Variants in WDSUB1 observed in about 807,000 individuals in gnomAD.
WDSUB1 encodes the protein WD repeat, sterile alpha motif and U-box domain containing 1.
In WDSUB1, 49 loss-of-function variants were observed where a neutral mutation model predicts 53.9. That is an observed-to-expected ratio of 0.91 (90% CI 0.72 to 1.15). The LOEUF is 1.15. Among genes scored for constraint, WDSUB1 ranks in the 50% most tolerant of loss-of-function variants. The pLI is 0.00. For missense variants in WDSUB1, 514 were observed against 562.0 expected (o/e 0.91, Z 0.86); for synonymous variants, 194 against 200.6 (o/e 0.97, Z 0.28).
At chr2:159,261,847 CATATATATATATATATATATAT>C (rs1168507779) in intron 5 of WDSUB1, among the ~76,000 whole-genome samples, 675 of 54,166 alleles carry the variant, frequency 0.012, 20 homozygotes, top group Admixed American at 0.035. Flanking sequence ...AACTGAAACT[CATATATATATATATATATATAT>C]ATATATATAT....
intron 8 of WDSUB1, among the ~76,000 whole-genome samples, chr2:159,257,008 A>G (rs2061079016): frequency 6.6e-6 from 1 of 152,074 alleles, no homozygotes; most frequent in Non-Finnish European, 1.5e-5. Flanking sequence ...AATTATTATT[A>G]TTATTTTAGA....
rs1327525287 is a variant in WDSUB1, at chr2:159,283,110, G to A, written c.-24-17C>T. ...AAAAACAGCCTGAAATTTTTAAGCA[G>A]ATAAAGATTATTTATTCTAGGAATC... On this transcript the variant is annotated splice_polypyrimidine_tract_variant and intron_variant, in intron 1 of 10. Transcript: ENST00000359774. The A allele has an allele frequency of 1.9e-6, 3 of 1,558,818 alleles. No individual in the cohort carries two copies. The East Asian group carries it at 6.8e-5, about 35-fold the overall frequency.
chr2:159,282,189 T>C (rs1014015755), intron 2 of WDSUB1, among the ~76,000 whole-genome samples: 1 of 131,360 alleles, frequency 7.6e-6, no homozygotes, highest in Admixed American at 7.4e-5. Flanking sequence ...GAAGGCCAGT[T>C]AAAAAAAATT....
chr2:159,285,993 GT>G (rs1291121119), intron 1 of WDSUB1, among the ~76,000 whole-genome samples: 3 of 152,078 alleles, frequency 2.0e-5, no homozygotes, highest in Non-Finnish European at 4.4e-5. Flanking sequence ...CCCTTTGCAA[GT>G]TCCAGGGCAT....
At chr2:159,236,391 A>G (rs929733806) in intron 10 of WDSUB1, among the ~76,000 whole-genome samples, 8 of 152,214 alleles carry the variant, frequency 5.3e-5, no homozygotes, top group African/African-American at 1.7e-4. Context: ...GTATGAAGCA[A>G]AAATTGCCCA....
At chr2:159,278,074 T>C (rs944992608) in intron 3 of WDSUB1, among the ~76,000 whole-genome samples, 2 of 152,182 alleles carry the variant, frequency 1.3e-5, no homozygotes, top group African/African-American at 4.8e-5. Context: ...AGTATTTTCA[T>C]TGGAAATCTA....
At chr2:159,262,255 G>A (rs2061242882) in intron 5 of WDSUB1, among the ~76,000 whole-genome samples, 1 of 151,960 alleles carries the variant, frequency 6.6e-6, no homozygotes, top group Non-Finnish European at 1.5e-5. Context: ...TGATCTCTAT[G>A]AGCATTGGAT....
Position 159,236,047 on chromosome 2 carries a change from TCTCCA to T in WDSUB1, c.1412_1416del (p.Leu471HisfsTer17). The T allele has an allele frequency of 6.2e-7, 1 of 1,603,712 alleles. No homozygotes were observed. On this transcript the variant is annotated frameshift_variant, in exon 11 of 11. Transcript: ENST00000359774. LOFTEE classifies it high-confidence loss of function. ...TATCAACAATTTTACTTTTGGTGTGTCTCCAGCCATCTATTGATGGCCATTTTCAG... is the reference window on the plus strand; with the variant it reads ...TATCAACAATTTTACTTTTGGTGTGTGCCATCTATTGATGGCCATTTTCAG...
At chr2:159,283,408 C>A (rs2061720172) in intron 1 of WDSUB1, among the ~76,000 whole-genome samples, 1 of 152,056 alleles carries the variant, frequency 6.6e-6, no homozygotes, top group South Asian at 2.1e-4. Context: ...ATGCCTGGAG[C>A]CCCAGCTACA....
At chr2:159,242,200 G>A (rs111669916) in intron 10 of WDSUB1, among the ~76,000 whole-genome samples, 2,133 of 146,432 alleles carry the variant, frequency 0.015, 348 homozygotes, top group African/African-American at 0.054. Context: ...ACAGGCACAC[G>A]CCACCACACC....
intron 3 of WDSUB1, among the ~76,000 whole-genome samples, chr2:159,276,606 C>G (rs1255201870): frequency 1.3e-5 from 2 of 152,158 alleles, no homozygotes; most frequent in Admixed American, 1.3e-4. Flanking sequence ...TACTAAAGTT[C>G]CTAAACAATT....
chr2:159,261,867 TATATATATATATATATATATATATATA>T (rs1214501529), intron 5 of WDSUB1, among the ~76,000 whole-genome samples: 105 of 9,754 alleles, frequency 0.011, 3 homozygotes, highest in Admixed American at 0.018. Context: ...TATATATATA[TATATATATATATATATATATATATATA>T]TATTTTTTTT....
chr2:159,239,010 GT>G (rs1207917246), intron 10 of WDSUB1, among the ~76,000 whole-genome samples: 1 of 151,906 alleles, frequency 6.6e-6, no homozygotes, highest in African/African-American at 2.4e-5. Context: ...GGTGTGTGTG[GT>G]TTTTTTCTAA....
At chr2:159,278,574 G>C (rs1229519848) in intron 3 of WDSUB1, among the ~76,000 whole-genome samples, 1 of 152,154 alleles carries the variant, frequency 6.6e-6, no homozygotes, top group African/African-American at 2.4e-5. Flanking sequence ...TTTAATGCAG[G>C]GGTTAAGATC....
At chr2:159,261,586 T>G (rs73004958) in intron 5 of WDSUB1, among the ~76,000 whole-genome samples, 10,304 of 152,092 alleles carry the variant, frequency 0.068, 732 homozygotes, top group African/African-American at 0.17. Flanking sequence ...TAGGCCAAAT[T>G]CTGCTATTTT....
chr2:159,280,479 CA>C (rs1280404171), intron 2 of WDSUB1, among the ~76,000 whole-genome samples: 2 of 151,456 alleles, frequency 1.3e-5, no homozygotes, highest in African/African-American at 2.4e-5. Flanking sequence ...ATCACGAGGT[CA>C]GGAGATCGAG....
At chr2:159,285,636 G>A (rs981316324) in intron 1 of WDSUB1, among the ~76,000 whole-genome samples, 1 of 152,146 alleles carries the variant, frequency 6.6e-6, no homozygotes, top group African/African-American at 2.4e-5. Context: ...AGCCCCGGAG[G>A]TGACGCCGGC....
rs199971973 is a variant in WDSUB1 at position 159,249,920 on chromosome 2, AAAAG to A, written c.1133-1412_1133-1409del. On this transcript the variant is annotated intron_variant, in intron 9 of 10. Coordinates refer to ENST00000359774, the MANE Select transcript of WDSUB1 (RefSeq NM_001128212.3). ...ATCTCTATTAAAAATACAAAAAAAA[AAAAG>A]AAAGAAAGAAAAAAAATAGCTGGAT... 6.0e-3 allele frequency among the ~76,000 whole-genome samples: 895 copies of A among 150,364 alleles called. 5 individuals are homozygous for A. The highest frequency in any genetic ancestry group is 0.013 in the African/African-American group (509 of 40,646).
chr2:159,251,881 T>C (rs1039824174), intron 9 of WDSUB1, among the ~76,000 whole-genome samples: 5 of 152,146 alleles, frequency 3.3e-5, no homozygotes, highest in African/African-American at 4.8e-5. Flanking sequence ...AATGACAGCA[T>C]AGAGCAGAGA....
Sources: gnomAD v4.1 joint callset for allele counts (sites outside exome capture counted in the v4.1 genomes callset) on GRCh38, gnomAD v4.1.1 for gene constraint, MANE v1.5 for transcripts, NCBI Gene and HGNC (gene_info 2026-07-23, HGNC 2026-07-21) for gene names.